Variants in MYOG observed in about 807,000 individuals in gnomAD.
MYOG encodes the protein myogenin.
MYOG carries 6 observed loss-of-function variants against 17.7 expected under a neutral mutation model. The observed-to-expected ratio is 0.34, with a 90% CI of 0.19 to 0.67. The LOEUF is 0.67. Among genes scored for constraint, MYOG ranks in the 30% least tolerant of loss-of-function variants. The pLI is 0.69. For missense variants in MYOG, 272 were observed against 302.0 expected (o/e 0.90, Z 0.74); for synonymous variants, 125 against 130.2 (o/e 0.96, Z 0.27).
At position 203,085,918 on chromosome 1, in the gene MYOG, C is replaced by T. The variant is rs763132287; in HGVS notation, c.44G>A (p.Arg15His). 1.6e-5 allele frequency: 26 copies of T among 1,605,886 alleles called. No homozygotes were observed. The highest frequency in any genetic ancestry group is 2.7e-5 in the African/African-American group (2 of 74,546). The stretch of plus-strand genomic sequence containing the variant: ...CAGGTAGTTTTCCCCATCATAGAAG[C>T]GGGGTTCCTGGTAGAAGTAGGGGGA... ...ETSPYFYQEPRFYDGENYLPV... is the reference protein window; with the variant it reads ...ETSPYFYQEPHFYDGENYLPV... The change falls in exon 1 of 3, where the codon CGC becomes CAC. Residue 15 changes from arginine (R) to histidine (H), a missense_variant. Coordinates refer to ENST00000241651, the MANE Select transcript of MYOG (RefSeq NM_002479.6).
At chr1:203,085,194 C>T (rs956216684) in intron 1 of MYOG, among the ~76,000 whole-genome samples, 7 of 152,178 alleles carry the variant, frequency 4.6e-5, no homozygotes, top group African/African-American at 1.7e-4. Flanking sequence ...TGGGATTAAT[C>T]CTCACCCTCA....
intron 2 of MYOG, 61 bp from the exon 3 acceptor site, chr1:203,084,092 A>G: frequency 3.8e-6 from 6 of 1,562,840 alleles, no homozygotes; most frequent in East Asian, 2.3e-5. Flanking sequence ...GAGGCCCAGA[A>G]TAGAGGATGG....
At position 203,084,731 on chromosome 1, in the gene MYOG, G is replaced by A. The variant is rs1215278594; in HGVS notation, c.472-3C>T. 1.2e-6 allele frequency: 2 copies of A among 1,604,352 alleles called. No individual in the cohort carries two copies. The highest frequency in any genetic ancestry group is 1.7e-6 in the Non-Finnish European group (2 of 1,175,524). ...TGAGAGCTGCATTCGCTGGGCACCT[G>A]CAAGACAGGGCGAAGGCCCAAGGTC... On this transcript the variant is annotated splice_polypyrimidine_tract_variant and splice_region_variant and intron_variant, in intron 1 of 2. Transcript: ENST00000241651.
In MYOG at chr1:203,084,695, A is replaced by G. The variant is rs1653578697; in HGVS notation, c.505T>C (p.Cys169Arg). 1 of 1,611,670 alleles carries G rather than the reference A, an allele frequency of 6.2e-7. No individual in the cohort carries two copies. The highest frequency in any genetic ancestry group is 1.3e-5 in the African/African-American group (1 of 74,964). The change falls in exon 2 of 3, where the codon TGC (cysteine) becomes CGC (arginine). Residue 169 changes from cysteine to arginine, a missense_variant. By Grantham distance (180) the Cys-to-Arg change is radical. Transcript: ENST00000241651. ...PSECSSHSAS[C>R]SPEWGSALEF... Reference sequence around the variant, plus strand: ...AGTGCACTGCCCCACTCTGGACTGCAGGAGGCGCTGTGAGAGCTGCATTCG... The same window carrying G: ...AGTGCACTGCCCCACTCTGGACTGCGGGAGGCGCTGTGAGAGCTGCATTCG...
At position 203,083,486 on chromosome 1, in the gene MYOG, A is replaced by T. The variant is rs1020360871; in HGVS notation, c.*424T>A. On this transcript the variant is annotated 3_prime_UTR_variant, in exon 3 of 3. Coordinates refer to ENST00000241651, the MANE Select transcript of MYOG (RefSeq NM_002479.6). The stretch of plus-strand genomic sequence containing the variant: ...AATTCAGGGCAGGCCCAGCCCAGCC[A>T]CTGGCATCGGGAAGAGACCAGAACA... The T allele has an allele frequency of 2.4e-6, 1 of 416,600 alleles. No individual in the cohort carries two copies. The allele number at this position is 416,600 out of a possible 1,614,324, so 25.8% of individuals were successfully genotyped here. A position where few individuals can be genotyped will look rare whatever the true frequency, so the allele number is the denominator to read the frequency against.
At chr1:203,084,232 GTA>G (rs1553263704) in intron 2 of MYOG, among the ~76,000 whole-genome samples, 4 of 150,660 alleles carry the variant, frequency 2.7e-5, no homozygotes, top group African/African-American at 9.8e-5. Context: ...GTGTGTGTGT[GTA>G]TGCGCCTCTT....
rs1443356102 is a variant in MYOG at position 203,083,139 on chromosome 1, C to T, written c.*771G>A. 1 of 139,232 alleles carries T rather than the reference C, an allele frequency of 7.2e-6. No homozygotes were observed. The highest frequency in any genetic ancestry group is 1.5e-5 in the Non-Finnish European group (1 of 65,814). The allele number at this position is 139,232 out of a possible 1,614,324, so 8.6% of individuals were successfully genotyped here. ...TCATCACCGACACTCTTCTGGCAACCAGTCTTTATTCATTTTTTAAAAAAG... is the reference window on the plus strand; with the variant it reads ...TCATCACCGACACTCTTCTGGCAACTAGTCTTTATTCATTTTTTAAAAAAG... On this transcript the variant is annotated 3_prime_UTR_variant, in exon 3 of 3. Coordinates refer to ENST00000241651, the MANE Select transcript of MYOG (RefSeq NM_002479.6).
chr1:203,084,637 C>T lies in MYOG; in HGVS notation c.553+10G>A, dbSNP rs370736845. The T allele has an allele frequency of 2.7e-5, 44 of 1,606,454 alleles. No homozygotes were observed. Among genetic ancestry groups the T allele is most frequent in the Non-Finnish European group, 3.6e-5 (42 of 1,176,198 alleles). On this transcript the variant is annotated intron_variant, in intron 2 of 2. Coordinates refer to ENST00000241651, the MANE Select transcript of MYOG (RefSeq NM_002479.6). ...ATTGGAGCCAAGGTTACCAGTCAGG[C>T]CTTACTTACCCCCTGGGTTGGCGCT...
chr1:203,084,797 C>T (rs555754808), intron 1 of MYOG, 69 bp from the exon 2 acceptor site: 1 of 1,455,964 alleles, frequency 6.9e-7, no homozygotes, highest in South Asian at 1.2e-5. Context: ...TGCCTAGTCC[C>T]AGTGGGCAGA....
Position 203,083,441 on chromosome 1 carries a change from C to T in MYOG, c.*469G>A, listed in dbSNP as rs77281372. The T allele has an allele frequency of 3.0e-3, 1,141 of 384,030 alleles. 11 individuals carry two copies. Among genetic ancestry groups the T allele is most frequent in the African/African-American group, 0.022 (1,074 of 48,776 alleles). 23.8% of individuals were successfully genotyped at this position (384,030 alleles called of 1,614,324 possible). On this transcript the variant is annotated 3_prime_UTR_variant, in exon 3 of 3. Coordinates refer to ENST00000241651, the MANE Select transcript of MYOG (RefSeq NM_002479.6). ...GGGACTTGGGAACAGAGGGCTGTTC[C>T]TCTCCCCTTCTTCTCTCTCAATTCA...
At chr1:203,084,115 G>T (rs1387640389) in intron 2 of MYOG, 84 bp from the exon 3 acceptor site, 2 of 1,521,594 alleles carry the variant, frequency 1.3e-6, no homozygotes, top group African/African-American at 2.8e-5. Context: ...CCCTTGGGGT[G>T]ACAGAGGTTT....
chr1:203,083,583 G>C lies in MYOG; in HGVS notation c.*327C>G. ...CCGTTTCACTTGGGGGGTGGAATTA[G>C]AGGCCGCGTTATGATAAAAAGGAAG... On this transcript the variant is annotated 3_prime_UTR_variant, in exon 3 of 3. Transcript: ENST00000241651. 1.9e-6 allele frequency: 1 copy of C among 528,732 alleles called. No homozygotes were observed. Among genetic ancestry groups the C allele is most frequent in the Non-Finnish European group, 3.3e-6 (1 of 298,624 alleles). The allele number at this position is 528,732 out of a possible 1,614,324, so 32.8% of individuals were successfully genotyped here.
intron 1 of MYOG, 99 bp downstream of exon 1, chr1:203,085,392 T>G: frequency 8.6e-7 from 1 of 1,161,304 alleles, no homozygotes; most frequent in Non-Finnish European, 1.2e-6. Context: ...GTCTGGCACC[T>G]GCACCAACCC....
At position 203,083,893 on chromosome 1, in the gene MYOG, C is replaced by T. The variant is rs373581221; in HGVS notation, c.*17G>A. On this transcript the variant is annotated 3_prime_UTR_variant, in exon 3 of 3. Coordinates refer to ENST00000241651, the MANE Select transcript of MYOG (RefSeq NM_002479.6). ...AGCTTGGGGGGCTCGCAAGGATGCC[C>T]GGCTTGGAAGACAATCTCAGTTGGG... 5.7e-5 allele frequency: 91 copies of T among 1,582,994 alleles called. No individual in the cohort carries two copies. The Admixed American group carries it at 7.5e-4, about 13-fold the overall frequency.
intron 2 of MYOG, 64 bp downstream of exon 2, chr1:203,084,583 G>T: frequency 1.4e-6 from 2 of 1,396,974 alleles, no homozygotes; most frequent in South Asian, 1.2e-5. Context: ...GGTAAGAGGG[G>T]AGAACCTGGC....
At chr1:203,084,053 T>C in intron 2 of MYOG, 22 bp from the exon 3 acceptor site, 1 of 1,589,946 alleles carries the variant, frequency 6.3e-7, no homozygotes, top group African/African-American at 1.3e-5. Context: ...GGTGGGAAGG[T>C]GGTACCTGGG....
chr1:203,084,811 A>C, intron 1 of MYOG, 83 bp from the exon 2 acceptor site: 1 of 1,396,578 alleles, frequency 7.2e-7, no homozygotes, highest in Non-Finnish European at 9.9e-7. Context: ...GGGCAGAAGT[A>C]CCTGTGGTGG....
At position 203,085,558 on chromosome 1, in the gene MYOG, A is replaced by T. The variant is rs1384475269; in HGVS notation, c.404T>A (p.Leu135Gln). The T allele has an allele frequency of 1.9e-6, 3 of 1,614,146 alleles. No individual in the cohort carries two copies. Among genetic ancestry groups the T allele is most frequent in the Non-Finnish European group, 2.5e-6 (3 of 1,179,984 alleles). The change falls in exon 1 of 3, where the codon CTG becomes CAG. Residue 135 changes from leucine to glutamine, a missense_variant. Coordinates refer to ENST00000241651, the MANE Select transcript of MYOG (RefSeq NM_002479.6). ...AIQYIERLQA[L>Q]LSSLNQEERD... Reference sequence around the variant, plus strand: ...CTCCTCCTGGTTGAGGGAGCTGAGCAGGGCCTGGAGGCGCTCGATGTACTG... The same window carrying T: ...CTCCTCCTGGTTGAGGGAGCTGAGCTGGGCCTGGAGGCGCTCGATGTACTG...
rs775703423 is a variant in MYOG at position 203,084,728 on chromosome 1, C to T, written c.472G>A (p.Val158Met). The stretch of plus-strand genomic sequence containing the variant: ...CTGTGAGAGCTGCATTCGCTGGGCA[C>T]CTGCAAGACAGGGCGAAGGCCCAAG... Reference protein sequence around the residue: ...YRGGGGPQPGVPSECSSHSAS... With the variant: ...YRGGGGPQPGMPSECSSHSAS... The change falls in exon 2 of 3, where the codon GTG (valine) becomes ATG (methionine). Residue 158 changes from valine to methionine, a missense_variant and splice_region_variant. Val to Met is a conservative substitution (Grantham distance 21). Coordinates refer to ENST00000241651, the MANE Select transcript of MYOG (RefSeq NM_002479.6). 1.5e-5 allele frequency: 24 copies of T among 1,607,190 alleles called. No individual in the cohort carries two copies. Among genetic ancestry groups the T allele is most frequent in the South Asian group, 3.3e-5 (3 of 89,694 alleles).
Sources: allele counts gnomAD v4.1 joint callset (sites outside exome capture counted in the v4.1 genomes callset), GRCh38; gene constraint gnomAD v4.1.1; transcripts MANE v1.5; gene names NCBI Gene and HGNC (gene_info 2026-07-23, HGNC 2026-07-21).